Variants in TMEM82 observed in about 807,000 individuals in gnomAD.
TMEM82 encodes the protein transmembrane protein 82.
In TMEM82, 30 loss-of-function variants were observed where a neutral mutation model predicts 29.2. That is an observed-to-expected ratio of 1.03 (90% CI 0.77 to 1.39). TMEM82 has a LOEUF of 1.39. Ranked by LOEUF, TMEM82 falls within the 40% of genes most tolerant of loss-of-function variation. TMEM82 has a pLI of 0.00. For missense variants in TMEM82, 442 were observed against 447.7 expected (o/e 0.99, Z 0.12); for synonymous variants, 221 against 225.4 (o/e 0.98, Z 0.18).
intron 5 of TMEM82, 83 bp from the exon 6 acceptor site, chr1:15,747,463 A>T (rs1256262338): frequency 8.5e-7 from 1 of 1,182,002 alleles, no homozygotes; most frequent in Non-Finnish European, 1.3e-6. Context: ...CCCAAGGGGG[A>T]GGAAGTGCCC....
chr1:15,746,704 G>T (rs1424191609), intron 4 of TMEM82, among the ~76,000 whole-genome samples, 163 bp from the exon 5 acceptor site: 1 of 152,158 alleles, frequency 6.6e-6, no homozygotes, highest in Non-Finnish European at 1.5e-5. Context: ...CAGAGCACCT[G>T]GTGCCCTGCA....
At chr1:15,747,162 C>A in intron 5 of TMEM82, 108 bp downstream of exon 5, 1 of 1,190,180 alleles carries the variant, frequency 8.4e-7, no homozygotes, top group Non-Finnish European at 1.2e-6. Context: ...CACGGTCTCT[C>A]ACACCTGTAA....
intron 1 of TMEM82, 67 bp from the exon 2 acceptor site, chr1:15,742,768 T>A (rs2068300187): frequency 6.5e-7 from 1 of 1,546,016 alleles, no homozygotes. Context: ...CCTCTGACCC[T>A]ACCAATGAAG....
At chr1:15,743,439 C>G (rs925328273) in intron 3 of TMEM82, among the ~76,000 whole-genome samples, 5 of 152,284 alleles carry the variant, frequency 3.3e-5, no homozygotes, top group Non-Finnish European at 5.9e-5. Context: ...TCCGGCCCCC[C>G]AAATGCCAGG....
Position 15,747,811 on chromosome 1 carries a change from AGGGGACACCT to A in TMEM82, c.*186_*195del. ...GATTTGGGGATGGGAGCCTCTGGAGAGGGGACACCTGGGGACCCCTGGTTGAACCCTCTTT... is the reference window on the plus strand; with the variant it reads ...GATTTGGGGATGGGAGCCTCTGGAGAGGGGACCCCTGGTTGAACCCTCTTT... On this transcript the variant is annotated 3_prime_UTR_variant, in exon 6 of 6. Coordinates refer to ENST00000375782, the MANE Select transcript of TMEM82 (RefSeq NM_001013641.3). 1.8e-6 allele frequency: 1 copy of A among 543,588 alleles called. No homozygotes were observed. 33.7% of individuals were successfully genotyped at this position (543,588 alleles called of 1,614,324 possible). A position where few individuals can be genotyped will look rare whatever the true frequency, so the allele number is the denominator to read the frequency against.
Position 15,747,602 on chromosome 1 carries a change from A to G in TMEM82, c.1002A>G (p.Ala334=). ...CACCAAGCCAGCCCCTGCCCTCGGC[A>G]CCCCAGTCCCAGAGTTCGGCCCCCT... ...VSTPSQPLPS[A]PQSQSSAPS Residue 334 remains alanine (A), a synonymous_variant, in exon 6 of 6, where the codon GCA becomes GCG. Transcript: ENST00000375782. 1 of 1,613,944 alleles carries G rather than the reference A, an allele frequency of 6.2e-7. No individual in the cohort carries two copies. The highest frequency in any genetic ancestry group is 8.5e-7 in the Non-Finnish European group (1 of 1,179,912).
At chr1:15,747,474 G>C (rs191653815) in intron 5 of TMEM82, 72 bp from the exon 6 acceptor site, 3 of 1,317,494 alleles carry the variant, frequency 2.3e-6, no homozygotes, top group Non-Finnish European at 3.3e-6. Context: ...GGAAGTGCCC[G>C]GGTCACTGGA....
rs1416448729 is a variant in TMEM82 at position 15,742,616 on chromosome 1, G to T, written c.57G>T (p.Trp19Cys). The change falls in exon 1 of 6, where the codon TGG becomes TGT. Residue 19 changes from tryptophan (W) to cysteine (C), a missense_variant. By Grantham distance (215) the Trp-to-Cys change is radical (BLOSUM62 -2). Coordinates refer to ENST00000375782, the MANE Select transcript of TMEM82 (RefSeq NM_001013641.3). ...TCCCCGGCCTCCCCTCCCTCGAGTG[G>T]GGCTCTAGCCTCCTTGACTCCCTCC... ...SWLPGLPSLE[W>C]GSSLLDSLLQ... 6.2e-7 allele frequency: 1 copy of T among 1,609,106 alleles called. No individual in the cohort carries two copies. Among genetic ancestry groups the T allele is most frequent in the East Asian group, 2.2e-5 (1 of 44,832 alleles).
chr1:15,743,256 C>A, intron 3 of TMEM82, 62 bp downstream of exon 3: 1 of 1,520,392 alleles, frequency 6.6e-7, no homozygotes, highest in Non-Finnish European at 8.8e-7. Flanking sequence ...GGCTCACCCC[C>A]GGAATGTGGG....
At position 15,742,924 on chromosome 1, in the gene TMEM82, T is replaced by C; in HGVS notation, c.161+17T>C. ...CTGTGCCAAGTGAGTGCCCACCTCA[T>C]CCCCCCAGGGAATGTGGCTGGGGGC... On this transcript the variant is annotated intron_variant, in intron 2 of 5. Coordinates refer to ENST00000375782, the MANE Select transcript of TMEM82 (RefSeq NM_001013641.3). 1 of 1,612,036 alleles carries C rather than the reference T, an allele frequency of 6.2e-7. No homozygotes were observed. The highest frequency in any genetic ancestry group is 8.5e-7 in the Non-Finnish European group (1 of 1,179,630).
intron 4 of TMEM82, among the ~76,000 whole-genome samples, chr1:15,746,625 G>C (rs1011576061): frequency 2.6e-5 from 4 of 152,114 alleles, no homozygotes; most frequent in African/African-American, 9.7e-5. Context: ...CCACTGCGAG[G>C]CTGCGAGGCT....
Position 15,744,377 on chromosome 1 carries a change from G to A in TMEM82, c.554G>A (p.Arg185His), listed in dbSNP as rs367961201. 2.2e-5 allele frequency: 35 copies of A among 1,562,354 alleles called. No individual in the cohort carries two copies. Among genetic ancestry groups the A allele is most frequent in the African/African-American group, 9.5e-5 (7 of 73,992 alleles). The change falls in exon 4 of 6, where the codon CGC (arginine) becomes CAC (histidine). Residue 185 changes from arginine (R) to histidine (H), a missense_variant. By Grantham distance (29) the Arg-to-His change is conservative. Transcript: ENST00000375782. This position sits in a 1 kb window ranked among gnomAD's most constrained non-coding sequence, Gnocchi z 5.2. Reference sequence around the variant, plus strand: ...CTCTACGAGCTGCACAGCAGCCAGCGCTACTGTGGGGTGTGCCTGGGCCTG... The same window carrying A: ...CTCTACGAGCTGCACAGCAGCCAGCACTACTGTGGGGTGTGCCTGGGCCTG... ...CRLYELHSSQ[R>H]YCGVCLGLLA...
At chr1:15,745,761 G>A (rs914412044) in intron 4 of TMEM82, among the ~76,000 whole-genome samples, 3 of 151,692 alleles carry the variant, frequency 2.0e-5, no homozygotes, top group African/African-American at 7.3e-5. Context: ...AGGTGTGGTG[G>A]CAGGGGCCTG....
At chr1:15,743,920 G>A (rs954541800) in intron 3 of TMEM82, among the ~76,000 whole-genome samples, 4 of 152,006 alleles carry the variant, frequency 2.6e-5, no homozygotes, top group Non-Finnish European at 2.9e-5. Flanking sequence ...AGCGGAGATC[G>A]AGCCACTGTA....
In TMEM82 at chr1:15,747,668, C is replaced by T. The variant is rs745379398; in HGVS notation, c.*36C>T. 6.3e-7 allele frequency: 1 copy of T among 1,578,520 alleles called. No individual in the cohort carries two copies. The highest frequency in any genetic ancestry group is 8.7e-7 in the Non-Finnish European group (1 of 1,149,874). ...GGAGGATCTGGAGTCTGTCTCAAGC[C>T]CACTAGCCTGATCTCCGAGGCCTTG... On this transcript the variant is annotated 3_prime_UTR_variant, in exon 6 of 6. Coordinates refer to ENST00000375782, the MANE Select transcript of TMEM82 (RefSeq NM_001013641.3).
chr1:15,747,289 C>T lies in TMEM82; in HGVS notation c.945+235C>T, dbSNP rs1012285155. On this transcript the variant is annotated intron_variant, in intron 5 of 5. Coordinates refer to ENST00000375782, the MANE Select transcript of TMEM82 (RefSeq NM_001013641.3). ...TCTGGGCAACAGAGTGAGACTCCAT[C>T]TCCAAAAAAAAAAAAGACAGAGCCA... Among the ~76,000 whole-genome samples, 12 of 150,344 alleles carry T rather than the reference C, an allele frequency of 8.0e-5. No individual in the cohort carries two copies. In the South Asian group the frequency reaches 2.1e-3, roughly 26 times the overall value.
In TMEM82 at chr1:15,742,853, G is replaced by C; in HGVS notation, c.107G>C (p.Gly36Ala). 1 of 1,612,754 alleles carries C rather than the reference G, an allele frequency of 6.2e-7. No homozygotes were observed. Among genetic ancestry groups the C allele is most frequent in the South Asian group, 1.1e-5 (1 of 91,076 alleles). Residue 36 changes from glycine to alanine, a missense_variant, in exon 2 of 6, where the codon GGA becomes GCA. Coordinates refer to ENST00000375782, the MANE Select transcript of TMEM82 (RefSeq NM_001013641.3). ...CCCTCAGGCCTGATCGGGGCCCTTG[G>C]AGTCTTGGTCCTGAACAGCCTCCTG... is the stretch of plus-strand genomic sequence containing the variant. ...SLLQGLIGAL[G>A]VLVLNSLLKV...
At position 15,745,876 on chromosome 1, in the gene TMEM82, G is replaced by A. The variant is rs373020359; in HGVS notation, c.758-991G>A. On this transcript the variant is annotated intron_variant, in intron 4 of 5. Coordinates refer to ENST00000375782, the MANE Select transcript of TMEM82 (RefSeq NM_001013641.3). ...GCACTCCAATCTGGGCAACAGGGGC[G>A]AAACTCCATCTCAAACAAAAAAAAA... 6.0e-5 allele frequency among the ~76,000 whole-genome samples: 8 copies of A among 132,762 alleles called. No homozygotes were observed. The East Asian group carries it at 1.7e-3, about 28-fold the overall frequency. The allele number at this position is 132,762 out of a possible 152,430, so 87.1% of individuals were successfully genotyped here.
In TMEM82 at chr1:15,744,316, C is replaced by T. The variant is rs1388214057; in HGVS notation, c.493C>T (p.Leu165=). 1.3e-6 allele frequency: 2 copies of T among 1,544,368 alleles called. No homozygotes were observed. The highest frequency in any genetic ancestry group is 1.7e-6 in the Non-Finnish European group (2 of 1,149,144). The change falls in exon 4 of 6, where the codon CTG becomes TTG. Residue 165 remains leucine, a synonymous_variant. Coordinates refer to ENST00000375782, the MANE Select transcript of TMEM82 (RefSeq NM_001013641.3). The surrounding 1 kb of genome is among the most constrained non-coding windows in gnomAD (Gnocchi z 5.2). ...CCTCGGGCTGGCCACGCTGCTGGGC[C>T]TGGGTGCCCGGCGCCTCCACCGCCA... The part of the protein sequence containing the change: ...LSLGLATLLG[L]GARRLHRHVC...
Sources: allele counts gnomAD v4.1 joint callset (sites outside exome capture counted in the v4.1 genomes callset), GRCh38; gene constraint gnomAD v4.1.1; non-coding constraint Gnocchi (gnomAD v3.1); transcripts MANE v1.5; gene names NCBI Gene and HGNC (gene_info 2026-07-23, HGNC 2026-07-21).